Variants in CLTCL1 observed in about 807,000 individuals in gnomAD.
CLTCL1 encodes the protein clathrin heavy chain 2.
CLTCL1 carries 159 observed loss-of-function variants against 190.0 expected under a neutral mutation model. That is an observed-to-expected ratio of 0.84 (90% confidence interval 0.74 to 0.95). CLTCL1 has a LOEUF of 0.95. Among genes scored for constraint, CLTCL1 ranks in the 40% least tolerant of loss-of-function variants. CLTCL1 has a pLI of 0.00. For synonymous variants in CLTCL1, 752 were observed against 769.6 expected, an observed-to-expected ratio of 0.98 and a Z score of 0.38; for missense variants, 1,878 against 2,033.4, an observed-to-expected ratio of 0.92 and a Z score of 1.47.
intron 2 of CLTCL1, chr22:19,258,245 G>T: frequency 2.9e-6 from 1 of 345,424 alleles, no homozygotes; most frequent in Non-Finnish European, 5.6e-6. Flanking sequence ...CCAAATATCA[G>T]GACCTTGGCA....
intron 1 of CLTCL1, among the ~76,000 whole-genome samples, chr22:19,283,294 CTTTT>C (rs1306444725): frequency 6.7e-6 from 1 of 149,800 alleles, no homozygotes; most frequent in Admixed American, 6.6e-5. Context: ...TTTTTTCTTT[CTTTT>C]GAGACAGAGT....
Position 19,208,919 on chromosome 22 carries a change from T to C in CLTCL1, c.3442+3A>G. The C allele has an allele frequency of 1.2e-6, 2 of 1,601,750 alleles. No individual in the cohort carries two copies. The highest frequency in any genetic ancestry group is 1.7e-6 in the Non-Finnish European group (2 of 1,173,692). On this transcript the variant is annotated splice_donor_region_variant and intron_variant, in intron 21 of 32. Coordinates refer to ENST00000427926, the MANE Select transcript of CLTCL1 (RefSeq NM_007098.4). ...GAGCCCTAGGGAGAGGGGACTCACT[T>C]ACTGCTCCTGCTGGCTGACTGAACA...
intron 2 of CLTCL1, among the ~76,000 whole-genome samples, chr22:19,259,565 G>A (rs148069827): frequency 6.6e-6 from 1 of 152,168 alleles, no homozygotes; most frequent in Non-Finnish European, 1.5e-5. Context: ...TTGTTATACT[G>A]CTCTGTGATC....
At position 19,254,044 on chromosome 22, in the gene CLTCL1, T is replaced by G. The variant is rs1555971333; in HGVS notation, c.434A>C (p.His145Pro). 4 of 1,612,252 alleles carry G rather than the reference T, an allele frequency of 2.5e-6. No homozygotes were observed. The East Asian group carries it at 8.9e-5, about 36-fold the overall frequency. ...DSQPMKMFDR[H>P]TSLVGCQVIH... ...CACCTGGCAGCCCACCAGACTGGTA[T>G]GTCTATCAAACATCTTCATGGGCTG... is the stretch of plus-strand genomic sequence containing the variant. The change falls in exon 3 of 33, where the codon CAT becomes CCT. Residue 145 changes from histidine to proline, a missense_variant. Transcript: ENST00000427926.
intron 1 of CLTCL1, among the ~76,000 whole-genome samples, chr22:19,278,330 T>C (rs2087587852): frequency 6.6e-6 from 1 of 152,016 alleles, no homozygotes; most frequent in Admixed American, 6.6e-5. Context: ...ATGGGGGTCA[T>C]TTGTGGCAGG....
intron 15 of CLTCL1, 34 bp downstream of exon 15, chr22:19,222,650 G>A (rs1468383396): frequency 1.3e-6 from 2 of 1,576,288 alleles, no homozygotes; most frequent in African/African-American, 1.3e-5. Context: ...GGGCCCAGAG[G>A]CAGCCGGGTG....
At position 19,183,540 on chromosome 22, in the gene CLTCL1, C is replaced by G. The variant is rs200009376; in HGVS notation, c.4677G>C (p.Glu1559Asp). The change falls in exon 30 of 33, where the codon GAG (glutamate) becomes GAC (aspartate). Residue 1559 changes from glutamate to aspartate, a missense_variant. Coordinates refer to ENST00000427926, the MANE Select transcript of CLTCL1 (RefSeq NM_007098.4). ...CTGCGAAGCACTCCCTCTTGCCTTC[C>G]TCCAGGAACCACTGCAGCAACTTCT... ...LAQKLLQWFL[E>D]EGKRECFAAC... The G allele has an allele frequency of 1.5e-4, 250 of 1,613,818 alleles. No homozygotes were observed. The highest frequency in any genetic ancestry group is 3.0e-4 in the Admixed American group (18 of 60,024).
At chr22:19,220,693 G>A (rs1015477443) in intron 17 of CLTCL1, among the ~76,000 whole-genome samples, 7 of 152,204 alleles carry the variant, frequency 4.6e-5, no homozygotes, top group Non-Finnish European at 7.3e-5. Flanking sequence ...CGGATGCAGC[G>A]CAGTCCGCCT....
At chr22:19,285,372 C>T (rs1178285392) in intron 1 of CLTCL1, among the ~76,000 whole-genome samples, 1 of 152,196 alleles carries the variant, frequency 6.6e-6, no homozygotes, top group Non-Finnish European at 1.5e-5. Flanking sequence ...AGAATGTTGA[C>T]ACTAAGGTCT....
At position 19,199,251 on chromosome 22, in the gene CLTCL1, C is replaced by G. The variant is rs5746683; in HGVS notation, c.3873+483G>C. ...TCTACCAACCACTCAAGAGAGCCTA[C>G]CTACAGCATGAACATACAGGGCCCC... is the stretch of plus-strand genomic sequence containing the variant. On this transcript the variant is annotated intron_variant, in intron 24 of 32. Coordinates refer to ENST00000427926, the MANE Select transcript of CLTCL1 (RefSeq NM_007098.4). Among the ~76,000 whole-genome samples, 1,437 of 152,314 alleles carry G rather than the reference C, an allele frequency of 9.4e-3. 35 individuals carry two copies. The highest frequency in any genetic ancestry group is 0.069 in the East Asian group (356 of 5,184).
rs1319402023 is a variant in CLTCL1, at chr22:19,191,552, A to G, written c.4192-117T>C. 4.5e-5 allele frequency: 54 copies of G among 1,206,722 alleles called. No homozygotes were observed. The East Asian group carries it at 1.0e-3, about 23-fold the overall frequency. 74.8% of individuals were successfully genotyped at this position (1,206,722 alleles called of 1,614,324 possible). Reference sequence around the variant, plus strand: ...CTGAGGCCTGCCATGACTACCCCCTATAAGACTCAATGGCCTGTGAAGGTG... The same window carrying G: ...CTGAGGCCTGCCATGACTACCCCCTGTAAGACTCAATGGCCTGTGAAGGTG... On this transcript the variant is annotated intron_variant, in intron 26 of 32. Coordinates refer to ENST00000427926, the MANE Select transcript of CLTCL1 (RefSeq NM_007098.4).
At chr22:19,240,041 C>T (rs1353969194) in intron 4 of CLTCL1, among the ~76,000 whole-genome samples, 5 of 151,434 alleles carry the variant, frequency 3.3e-5, no homozygotes, top group African/African-American at 9.7e-5. Context: ...CTCTGCCTCC[C>T]GGGTTCAAGC....
chr22:19,248,428 C>A (rs541461717), intron 3 of CLTCL1, among the ~76,000 whole-genome samples: 1 of 152,126 alleles, frequency 6.6e-6, no homozygotes, highest in Admixed American at 6.5e-5. Flanking sequence ...GATCAGACAC[C>A]CCTGGTTTAA....
At chr22:19,236,685 G>T (rs1454413534) in intron 5 of CLTCL1, among the ~76,000 whole-genome samples, 1 of 152,132 alleles carries the variant, frequency 6.6e-6, no homozygotes, top group Non-Finnish European at 1.5e-5. Flanking sequence ...GGTGGCTAAT[G>T]ACTATAGTCC....
At chr22:19,240,590 A>C (rs2086223278) in intron 4 of CLTCL1, among the ~76,000 whole-genome samples, 1 of 152,218 alleles carries the variant, frequency 6.6e-6, no homozygotes, top group Non-Finnish European at 1.5e-5. Flanking sequence ...GGGAGCTTTA[A>C]GGCAGATAAA....
At position 19,184,011 on chromosome 22, in the gene CLTCL1, TGCTCTAGAAACA is replaced by T. The variant is rs1323284731; in HGVS notation, c.4606-412_4606-401del. 2.7e-5 allele frequency: 8 copies of T among 298,054 alleles called. No homozygotes were observed. The Admixed American group carries it at 2.8e-4, about 11-fold the overall frequency. The allele number at this position is 298,054 out of a possible 1,614,324, so 18.5% of individuals were successfully genotyped here. ...GAGCAGTTAGGAGGGGTACGGCTAC[TGCTCTAGAAACA>T]GCAATGTGTTTTTCTTTCAAGTGGC... On this transcript the variant is annotated intron_variant, in intron 29 of 32. Coordinates refer to ENST00000427926, the MANE Select transcript of CLTCL1 (RefSeq NM_007098.4).
chr22:19,193,476 C>T (rs1409052400), intron 26 of CLTCL1, among the ~76,000 whole-genome samples: 1 of 152,036 alleles, frequency 6.6e-6, no homozygotes, highest in Non-Finnish European at 1.5e-5. Context: ...CCACTAGCCA[C>T]GCGCCAGGAC....
chr22:19,221,278 G>A (rs1348481126), intron 17 of CLTCL1, 99 bp downstream of exon 17: 1 of 853,204 alleles, frequency 1.2e-6, no homozygotes, highest in Non-Finnish European at 1.8e-6. Flanking sequence ...CCATCTCCAG[G>A]TGCACAGAAA....
chr22:19,270,473 A>G (rs2087274255), intron 2 of CLTCL1, among the ~76,000 whole-genome samples: 1 of 151,826 alleles, frequency 6.6e-6, no homozygotes, highest in South Asian at 2.1e-4. Context: ...CATGCCTGTA[A>G]TCCCAGCACT....
Sources: allele counts gnomAD v4.1 joint callset (sites outside exome capture counted in the v4.1 genomes callset), GRCh38; gene constraint gnomAD v4.1.1; transcripts MANE v1.5; gene names NCBI Gene and HGNC (gene_info 2026-07-23, HGNC 2026-07-21).